The following VSTM1 variants were observed in gnomAD, a reference collection of about 807,000 sequenced individuals.
VSTM1 encodes V-set and transmembrane domain-containing protein 1.
In VSTM1, 27 loss-of-function variants were observed where a neutral mutation model predicts 33.1. The observed-to-expected ratio is 0.82, with a 90% CI of 0.60 to 1.12. The LOEUF (loss-of-function observed/expected upper bound fraction) is 1.12, where lower values mean the gene tolerates loss of function less well. Ranked by LOEUF, VSTM1 falls within the 50% of genes most tolerant of loss-of-function variation. The pLI, the probability that VSTM1 is intolerant of heterozygous loss-of-function variation, is 0.00. For synonymous variants in VSTM1, 115 were observed against 110.3 expected (o/e 1.04, Z -0.27); for missense variants, 304 against 288.9 (o/e 1.05, Z -0.38).
chr19:54,045,966 C>A (rs1204229276), intron 4 of VSTM1, among the ~76,000 whole-genome samples: 1 of 152,084 alleles, frequency 6.6e-6, no homozygotes, highest in African/African-American at 2.4e-5. Flanking sequence ...CTATCTGTAT[C>A]TATCTACCTA....
chr19:54,058,505 A>G lies in VSTM1; in HGVS notation c.156T>C (p.His52=). The change falls in exon 3 of 9, where the codon CAT becomes CAC. Residue 52 remains histidine, a synonymous_variant. Transcript: ENST00000338372. ...GCAGCACAAATGTCACATTCTGGGA[A>G]TGAGCCTGACACTTCAGGGTCACAT... ...ESNVTLKCQA[H]SQNVTFVLRK... is the part of the protein sequence containing the mutation. The G allele has an allele frequency of 6.2e-7, 1 of 1,614,124 alleles. No individual in the cohort carries two copies. The highest frequency in any genetic ancestry group is 1.7e-5 in the Admixed American group (1 of 59,992).
chr19:54,062,416 C>A (rs1287964801), intron 1 of VSTM1, among the ~76,000 whole-genome samples: 1 of 151,902 alleles, frequency 6.6e-6, no homozygotes, highest in Non-Finnish European at 1.5e-5. Flanking sequence ...GGTATGAACC[C>A]GATAGTCATC....
At position 54,042,448 on chromosome 19, in the gene VSTM1, A is replaced by G. The variant is rs1017568443; in HGVS notation, c.395-79T>C. On this transcript the variant is annotated intron_variant, in intron 4 of 8. Coordinates refer to ENST00000338372, the MANE Select transcript of VSTM1 (RefSeq NM_198481.4). ...TAGGGGCGAGCCGAAAAGCTAAGAG[A>G]AGCCAGACAGATGGCCTGGCTTCCA... is the stretch of plus-strand genomic sequence containing the variant. The G allele has an allele frequency of 4.6e-6, 7 of 1,523,780 alleles. No individual in the cohort carries two copies. The African/African-American group carries it at 9.7e-5, about 21-fold the overall frequency. The allele number at this position is 1,523,780 out of a possible 1,614,324, so 94.4% of individuals were successfully genotyped here. A position where few individuals can be genotyped will look rare whatever the true frequency, so the allele number is the denominator to read the frequency against.
In VSTM1 at chr19:54,058,375, A is replaced by T; in HGVS notation, c.286T>A (p.Cys96Ser). Residue 96 changes from cysteine to serine, a missense_variant, in exon 3 of 9, where the codon TGT becomes AGT. Transcript: ENST00000338372. Reference protein sequence around the residue: ...LKPKDAGRYFCAYKTTASHEW... With the variant: ...LKPKDAGRYFSAYKTTASHEW... Reference sequence around the variant, plus strand: ...TGGGAGGCTGTTGTCTTGTAGGCACAAAAGTACCTCCCAGCATCCTTAGGC... The same window carrying T: ...TGGGAGGCTGTTGTCTTGTAGGCACTAAAGTACCTCCCAGCATCCTTAGGC... 1 of 1,614,196 alleles carries T rather than the reference A, an allele frequency of 6.2e-7. No homozygotes were observed. Among genetic ancestry groups the T allele is most frequent in the Admixed American group, 1.7e-5 (1 of 60,004 alleles).
chr19:54,041,051 A>T lies in VSTM1; in HGVS notation c.621T>A (p.Ala207=). 6.2e-7 allele frequency: 1 copy of T among 1,602,620 alleles called. No homozygotes were observed. Among genetic ancestry groups the T allele is most frequent in the South Asian group, 1.1e-5 (1 of 89,726 alleles). ...CAGACAGGGCGCTGGTGCTTAGCTC[A>T]GCATAGGTCACTCCTTGGGGGTCTG... The part of the protein sequence containing the change: ...STADPQGVTY[A]ELSTSALSEA... The change falls in exon 9 of 9, where the codon GCT becomes GCA. Residue 207 remains alanine, a synonymous_variant. Coordinates refer to ENST00000338372, the MANE Select transcript of VSTM1 (RefSeq NM_198481.4).
rs368951394 is a variant in VSTM1, at chr19:54,041,779, C to T, written c.591G>A (p.Ser197=). 1.3e-4 allele frequency: 214 copies of T among 1,613,140 alleles called. 4 individuals are homozygous for T. In the South Asian group the frequency reaches 1.9e-3, roughly 14 times the overall value. ...GGGACTCCTAAGCGGGAGGACTCAC[C>T]GAGAGAGATACCCTTTCCATATTGG... The part of the protein sequence containing the change: ...DLSNMERVSL[S]TADPQGVTYA... The change falls in exon 8 of 9, where the codon TCG becomes TCA. Residue 197 remains serine (S), a splice_region_variant and synonymous_variant. Transcript: ENST00000338372.
At chr19:54,059,066 T>C (rs1406740397) in intron 1 of VSTM1, among the ~76,000 whole-genome samples, 3 of 147,142 alleles carry the variant, frequency 2.0e-5, no homozygotes, top group African/African-American at 5.0e-5. Context: ...TTTCTTTTTT[T>C]TTTTTTTTTT....
intron 4 of VSTM1, among the ~76,000 whole-genome samples, chr19:54,050,560 C>T (rs180807059): frequency 1.1e-4 from 17 of 152,154 alleles, no homozygotes; most frequent in Admixed American, 2.6e-4. Flanking sequence ...TGGCAAACAA[C>T]GCACTCTGTG....
At chr19:54,044,607 A>G (rs1173700259) in intron 4 of VSTM1, among the ~76,000 whole-genome samples, 3 of 152,186 alleles carry the variant, frequency 2.0e-5, no homozygotes, top group Non-Finnish European at 4.4e-5. Flanking sequence ...AAAAAACAAA[A>G]ACAAAACAAA....
chr19:54,042,156 G>T lies in VSTM1; in HGVS notation c.515+13C>A, dbSNP rs1366406719. On this transcript the variant is annotated intron_variant, in intron 6 of 8. Transcript: ENST00000338372. The stretch of plus-strand genomic sequence containing the variant: ...TGGGAATAAGTGGAGCATGAGCTAT[G>T]CCAAGCATCTACCTCTTGGTGGATT... 6.2e-7 allele frequency: 1 copy of T among 1,613,958 alleles called. No individual in the cohort carries two copies. Among genetic ancestry groups the T allele is most frequent in the Non-Finnish European group, 8.5e-7 (1 of 1,179,976 alleles).
Position 54,042,816 on chromosome 19 carries a change from A to ATATATATGTG in VSTM1, c.395-448_395-447insCACATATATA, listed in dbSNP as rs1555752452. Among the ~76,000 whole-genome samples, 405 of 54,940 alleles carry ATATATATGTG rather than the reference A, an allele frequency of 7.4e-3. 6 individuals carry two copies. Among genetic ancestry groups the ATATATATGTG allele is most frequent in the African/African-American group, 0.024 (389 of 16,054 alleles). 36.0% of individuals were successfully genotyped at this position (54,940 alleles called of 152,430 possible). A position where few individuals can be genotyped will look rare whatever the true frequency, so the allele number is the denominator to read the frequency against. ...TGTATATATAAATGTGTATATATAT[A>ATATATATGTG]TATATATATATATATATATATACAT... On this transcript the variant is annotated intron_variant, in intron 4 of 8. Coordinates refer to ENST00000338372, the MANE Select transcript of VSTM1 (RefSeq NM_198481.4).
intron 1 of VSTM1, among the ~76,000 whole-genome samples, chr19:54,062,338 G>A (rs2071432632): frequency 6.6e-6 from 1 of 152,130 alleles, no homozygotes; most frequent in Non-Finnish European, 1.5e-5. Flanking sequence ...CTTTGGTATG[G>A]CAGCCATTGG....
chr19:54,059,911 G>A (rs141918750), intron 1 of VSTM1, among the ~76,000 whole-genome samples: 1,888 of 150,666 alleles, frequency 0.013, 34 homozygotes, highest in African/African-American at 0.043. Context: ...GCAGTGGCGC[G>A]ATCTCGGCTC....
chr19:54,050,416 T>C (rs1300696241), intron 4 of VSTM1, among the ~76,000 whole-genome samples: 2 of 152,126 alleles, frequency 1.3e-5, no homozygotes, highest in African/African-American at 4.8e-5. Flanking sequence ...TTTAGAGTTA[T>C]AACAAACTCT....
At position 54,055,097 on chromosome 19, in the gene VSTM1, A is replaced by G. The variant is rs1228794214; in HGVS notation, c.355+3209T>C. 2.1e-5 allele frequency among the ~76,000 whole-genome samples: 3 copies of G among 139,560 alleles called. 1 individual carries two copies. Among genetic ancestry groups the G allele is most frequent in the African/African-American group, 8.0e-5 (3 of 37,620 alleles). The allele number at this position is 139,560 out of a possible 152,430, so 91.6% of individuals were successfully genotyped here. A position where few individuals can be genotyped will look rare whatever the true frequency, so the allele number is the denominator to read the frequency against. ...GGGATCTCAAGTCATGTATGTTACAATCCTCCCACGTGCATCTTCTCACTG... is the reference window on the plus strand; with the variant it reads ...GGGATCTCAAGTCATGTATGTTACAGTCCTCCCACGTGCATCTTCTCACTG... On this transcript the variant is annotated intron_variant, in intron 3 of 8. Transcript: ENST00000338372.
intron 4 of VSTM1, among the ~76,000 whole-genome samples, chr19:54,045,187 T>C (rs568644851): frequency 3.9e-5 from 6 of 152,206 alleles, no homozygotes; most frequent in Non-Finnish European, 8.8e-5. Context: ...TATCTATATA[T>C]AGAGAATTAC....
chr19:54,049,122 G>A (rs2070729881), intron 4 of VSTM1, among the ~76,000 whole-genome samples: 1 of 152,072 alleles, frequency 6.6e-6, no homozygotes, highest in Non-Finnish European at 1.5e-5. Flanking sequence ...GAATGGATAA[G>A]CAAAATGTGG....
intron 4 of VSTM1, chr19:54,048,408 GC>G: frequency 2.9e-6 from 1 of 344,976 alleles, no homozygotes; most frequent in South Asian, 2.0e-5. Flanking sequence ...GAGCCACTGC[GC>G]CCGGCAAAGA....
chr19:54,063,691 C>T, intron 1 of VSTM1, 53 bp downstream of exon 1: 1 of 1,607,792 alleles, frequency 6.2e-7, no homozygotes, highest in South Asian at 1.1e-5. Flanking sequence ...GCCACTCCCA[C>T]ATGAGTTTTT....
Sources: gnomAD v4.1 joint callset for allele counts (sites outside exome capture counted in the v4.1 genomes callset) on GRCh38, gnomAD v4.1.1 for gene constraint, MANE v1.5 for transcripts, NCBI Gene and HGNC (gene_info 2026-07-23, HGNC 2026-07-21) for gene names.